Variants in COL22A1 observed in about 807,000 individuals in gnomAD.
The protein encoded by COL22A1 is collagen type XXII alpha 1 chain, also known as collagen alpha-1(XXII) chain.
Under a neutral mutation model 248.9 loss-of-function variants are expected in COL22A1, and 221 were observed. The observed-to-expected ratio is 0.89, with a 90% confidence interval of 0.80 to 0.99. The LOEUF (loss-of-function observed/expected upper bound fraction) is 0.99, where lower values mean the gene tolerates loss of function less well. COL22A1 is among the 50% of genes least tolerant of loss of function. COL22A1 has a pLI of 0.00. For missense variants in COL22A1, 2,240 were observed against 2,179.0 expected, an observed-to-expected ratio of 1.03 and a Z score of -0.56; for synonymous variants, 891 against 793.4, an observed-to-expected ratio of 1.12 and a Z score of -2.07.
chr8:138,666,884 C>G (rs888242641), intron 41 of COL22A1, among the ~76,000 whole-genome samples: 1 of 152,200 alleles, frequency 6.6e-6, no homozygotes, highest in African/African-American at 2.4e-5. Context: ...CAAATCTTAG[C>G]TTATCAATCA....
intron 43 of COL22A1, 82 bp downstream of exon 43, chr8:138,661,948 G>A: frequency 9.5e-7 from 1 of 1,054,724 alleles, no homozygotes; most frequent in Non-Finnish European, 1.4e-6. Context: ...ATGGTCAAAG[G>A]AGGCCAGGAG....
chr8:138,794,044 C>G (rs1163088213), intron 12 of COL22A1, among the ~76,000 whole-genome samples: 1 of 152,114 alleles, frequency 6.6e-6, no homozygotes. Flanking sequence ...TTCTTCATAC[C>G]CTGTGCTCGG....
At chr8:138,755,883 C>G (rs928797128) in intron 18 of COL22A1, 54 bp from the exon 19 acceptor site, 61 of 1,498,262 alleles carry the variant, frequency 4.1e-5, no homozygotes, top group Middle Eastern at 3.4e-4. Flanking sequence ...CCTTCTGTGG[C>G]AGTCCCATCC....
In COL22A1 at chr8:138,642,676, T is replaced by C. The variant is rs1000289318; in HGVS notation, c.3501+3953A>G. 7.9e-5 allele frequency among the ~76,000 whole-genome samples: 12 copies of C among 152,264 alleles called. No homozygotes were observed. In the East Asian group the frequency reaches 2.1e-3, roughly 27 times the overall value. ...AGGCTTGGGCTGAAGGAGAAAACAG[T>C]CCATACTTAATGGAGCTAGCTCCTT... On this transcript the variant is annotated intron_variant, in intron 47 of 64. Transcript: ENST00000303045.
At chr8:138,898,738 C>A (rs965782823) in intron 1 of COL22A1, among the ~76,000 whole-genome samples, 2 of 152,298 alleles carry the variant, frequency 1.3e-5, no homozygotes, top group Non-Finnish European at 2.9e-5. Context: ...GTAGCCCTAT[C>A]AGATCTCCCA....
rs1226984262 is a variant in COL22A1 at position 138,755,904 on chromosome 8, T to A, written c.1903-75A>T. The A allele has an allele frequency of 3.3e-5, 44 of 1,333,472 alleles. No individual in the cohort carries two copies. The Admixed American group carries it at 7.2e-4, about 22-fold the overall frequency. The allele number at this position is 1,333,472 out of a possible 1,614,324, so 82.6% of individuals were successfully genotyped here. A position where few individuals can be genotyped will look rare whatever the true frequency, so the allele number is the denominator to read the frequency against. On this transcript the variant is annotated intron_variant, in intron 18 of 64. Transcript: ENST00000303045. ...GTGGCAGTCCCATCCCTCTGAGGCT[T>A]ATTCTTGTGGGCCCAGGGGACCACA...
intron 1 of COL22A1, among the ~76,000 whole-genome samples, chr8:138,898,544 C>A (rs554541618): frequency 1.3e-5 from 2 of 152,236 alleles, no homozygotes; most frequent in South Asian, 4.2e-4. Flanking sequence ...CTTGCTACTT[C>A]ACCTCTCATA....
intron 51 of COL22A1, among the ~76,000 whole-genome samples, chr8:138,624,398 T>C (rs918825821): frequency 1.3e-5 from 2 of 151,988 alleles, no homozygotes; most frequent in African/African-American, 4.8e-5. Flanking sequence ...CAGGGCCCAG[T>C]CTTTGGCTTA....
intron 40 of COL22A1, 34 bp downstream of exon 40, chr8:138,679,583 C>T (rs1269282761): frequency 1.3e-6 from 2 of 1,598,468 alleles, no homozygotes; most frequent in African/African-American, 1.3e-5. Flanking sequence ...GTCCTTCTGT[C>T]TTTTTGCAAA....
At chr8:138,610,710 A>C (rs1818789939) in intron 56 of COL22A1, among the ~76,000 whole-genome samples, 1 of 152,116 alleles carries the variant, frequency 6.6e-6, no homozygotes, top group Non-Finnish European at 1.5e-5. Flanking sequence ...GCACAATCTC[A>C]CCAGGCCAGC....
intron 7 of COL22A1, among the ~76,000 whole-genome samples, chr8:138,816,129 C>T (rs1196818071): frequency 6.6e-6 from 1 of 152,210 alleles, no homozygotes; most frequent in Admixed American, 6.5e-5. Flanking sequence ...ATACTCGCAG[C>T]AGCTGGGACT....
At chr8:138,675,296 G>T (rs935011112) in intron 41 of COL22A1, among the ~76,000 whole-genome samples, 6 of 152,020 alleles carry the variant, frequency 3.9e-5, no homozygotes, top group Non-Finnish European at 7.4e-5. Flanking sequence ...AAGGAAAGGG[G>T]GATTTTCTTT....
intron 3 of COL22A1, among the ~76,000 whole-genome samples, chr8:138,854,374 C>T (rs1821861009): frequency 6.6e-6 from 1 of 152,146 alleles, no homozygotes; most frequent in African/African-American, 2.4e-5. Flanking sequence ...CAGTGGATTC[C>T]ATTTAATTCT....
intron 56 of COL22A1, among the ~76,000 whole-genome samples, chr8:138,609,220 T>C (rs180682784): frequency 3.6e-4 from 55 of 152,310 alleles, no homozygotes; most frequent in Admixed American, 9.2e-4. Flanking sequence ...CTTTTACAAA[T>C]GGGGAAACTG....
chr8:138,633,431 C>T (rs540672875), intron 49 of COL22A1, among the ~76,000 whole-genome samples: 1 of 152,302 alleles, frequency 6.6e-6, no homozygotes, highest in South Asian at 2.1e-4. Flanking sequence ...CTTATTGCAG[C>T]TTCCAGTGAG....
intron 1 of COL22A1, among the ~76,000 whole-genome samples, chr8:138,901,706 C>T (rs1014990986): frequency 4.6e-5 from 7 of 152,006 alleles, no homozygotes; most frequent in Admixed American, 2.6e-4. Context: ...AGACCCAAAA[C>T]GACATAAATA....
At chr8:138,715,565 A>G in intron 30 of COL22A1, 117 bp downstream of exon 30, 1 of 360,276 alleles carries the variant, frequency 2.8e-6, no homozygotes, top group East Asian at 5.9e-5. Flanking sequence ...AGAGACTCTC[A>G]TTTTAAAAAA....
chr8:138,827,743 C>T (rs1435259507), intron 5 of COL22A1, among the ~76,000 whole-genome samples: 6 of 151,886 alleles, frequency 4.0e-5, no homozygotes, highest in Non-Finnish European at 5.9e-5. Flanking sequence ...AGATGCCATC[C>T]CTCAGTCCCT....
At chr8:138,787,940 G>T (rs1287102452) in intron 12 of COL22A1, among the ~76,000 whole-genome samples, 1 of 152,368 alleles carries the variant, frequency 6.6e-6, no homozygotes, top group African/African-American at 2.4e-5. Context: ...AGAGAAAGGA[G>T]AGAGCAAATA....
Sources: gnomAD v4.1 joint callset for allele counts (sites outside exome capture counted in the v4.1 genomes callset) on GRCh38, gnomAD v4.1.1 for gene constraint, MANE v1.5 for transcripts, NCBI Gene and HGNC (gene_info 2026-07-23, HGNC 2026-07-21) for gene names.